FSTL4: variants seen among roughly 807,000 people sequenced by gnomAD.
FSTL4 encodes follistatin like 4.
A neutral mutation model predicts 78.2 loss-of-function variants in FSTL4; 28 were observed. The observed-to-expected ratio is 0.36, with a 90% confidence interval of 0.27 to 0.49. The LOEUF is 0.49. Among genes scored for constraint, FSTL4 ranks in the 20% least tolerant of loss-of-function variants. The pLI is 0.98. For synonymous variants in FSTL4, 422 were observed against 440.5 expected (o/e 0.96, Z 0.53); for missense variants, 922 against 1,084.9 (o/e 0.85, Z 2.11).
intron 3 of FSTL4, among the ~76,000 whole-genome samples, chr5:133,405,766 T>C (rs1462965093): frequency 1.3e-5 from 2 of 152,190 alleles, no homozygotes; most frequent in Non-Finnish European, 2.9e-5. Context: ...AAGTGCCTGG[T>C]ATGCAGCTGC....
At chr5:133,526,601 C>A (rs935011609) in intron 3 of FSTL4, among the ~76,000 whole-genome samples, 2 of 152,110 alleles carry the variant, frequency 1.3e-5, no homozygotes, top group African/African-American at 2.4e-5. Context: ...TAGCTTATCA[C>A]ACACACTCCA....
intron 3 of FSTL4, among the ~76,000 whole-genome samples, chr5:133,476,795 C>T (rs1438658859): frequency 6.6e-6 from 1 of 152,166 alleles, no homozygotes; most frequent in East Asian, 1.9e-4. Context: ...GTAGAGTGGA[C>T]CTCACTGACC....
intron 4 of FSTL4, among the ~76,000 whole-genome samples, chr5:133,344,140 A>T (rs1028142751): frequency 2.6e-5 from 4 of 152,234 alleles, no homozygotes; most frequent in African/African-American, 9.6e-5. Flanking sequence ...ACACCTTCAG[A>T]TATTTAATAT....
Position 133,491,118 on chromosome 5 carries a change from GA to G in FSTL4, c.160+76067del, listed in dbSNP as rs1196203825. Among the ~76,000 whole-genome samples the G allele has an allele frequency of 9.3e-5, 14 of 150,918 alleles. 1 individual carries two copies. The highest frequency in any genetic ancestry group is 2.0e-4 in the Admixed American group (3 of 15,162). On this transcript the variant is annotated intron_variant, in intron 3 of 15. Coordinates refer to ENST00000265342, the MANE Select transcript of FSTL4 (RefSeq NM_015082.2). ...CTGAACCTAAAATAAAAATTGGAAA[GA>G]AAAAAAAATTGTTTTTAATAAATTT...
At chr5:133,739,988 G>C in the FSTL4 span, among the ~76,000 whole-genome samples, 19 of 151,628 alleles carry the variant, frequency 1.3e-4, no homozygotes, top group Non-Finnish European at 2.4e-4. Flanking sequence ...AATCTCCCAG[G>C]CTCAAGCAAT....
At chr5:133,751,917 A>G in the FSTL4 span, among the ~76,000 whole-genome samples, 3 of 152,096 alleles carry the variant, frequency 2.0e-5, no homozygotes, top group African/African-American at 7.2e-5. Flanking sequence ...TTGCTAATGG[A>G]TCAGACAAAG....
chr5:133,758,805 G>T, the FSTL4 span, among the ~76,000 whole-genome samples: 4 of 152,172 alleles, frequency 2.6e-5, no homozygotes, highest in East Asian at 3.8e-4. Flanking sequence ...CTTCCATAAG[G>T]TTACAGTTAA....
At chr5:133,771,836 G>T in the FSTL4 span, among the ~76,000 whole-genome samples, 2 of 152,176 alleles carry the variant, frequency 1.3e-5, no homozygotes, top group Admixed American at 1.3e-4. Flanking sequence ...GTGAAGATCA[G>T]ATGAACCTGC....
intron 14 of FSTL4, among the ~76,000 whole-genome samples, chr5:133,205,454 T>A (rs1750468168): frequency 6.6e-6 from 1 of 152,036 alleles, no homozygotes; most frequent in African/African-American, 2.4e-5. Context: ...ACTCCCTTTT[T>A]AAAATAAATT....
At chr5:133,805,182 G>A in the FSTL4 span, among the ~76,000 whole-genome samples, 1 of 151,838 alleles carries the variant, frequency 6.6e-6, no homozygotes, top group African/African-American at 2.4e-5. Flanking sequence ...TCCCCATTGA[G>A]CTTGAGAGCC....
intron 3 of FSTL4, among the ~76,000 whole-genome samples, chr5:133,517,108 T>C (rs1758867933): frequency 6.6e-6 from 1 of 150,880 alleles, no homozygotes; most frequent in South Asian, 2.1e-4. Flanking sequence ...TAGCAAACAT[T>C]GAACTCTCAA....
chr5:133,332,395 G>A (rs1754369927), intron 4 of FSTL4, among the ~76,000 whole-genome samples: 1 of 152,222 alleles, frequency 6.6e-6, no homozygotes, highest in Non-Finnish European at 1.5e-5. Context: ...GGATTCAGAT[G>A]CTTTGAGAGG....
At position 133,361,229 on chromosome 5, in the gene FSTL4, T is replaced by C. The variant is rs374105126; in HGVS notation, c.409+39509A>G. Among the ~76,000 whole-genome samples the C allele has an allele frequency of 4.5e-4, 69 of 152,346 alleles. No homozygotes were observed. The highest frequency in any genetic ancestry group is 1.3e-3 in the African/African-American group (56 of 41,572). ...CGCATTCCGACCCTGCAGTGCTGGC[T>C]TCTTTCCAGAGCTTTCTAATGACTT... On this transcript the variant is annotated intron_variant, in intron 4 of 15. Coordinates refer to ENST00000265342, the MANE Select transcript of FSTL4 (RefSeq NM_015082.2). The surrounding 1 kb of genome is among the most constrained non-coding windows in gnomAD (Gnocchi z 4.3).
At chr5:133,722,781 G>A in the FSTL4 span, among the ~76,000 whole-genome samples, 91 of 152,268 alleles carry the variant, frequency 6.0e-4, no homozygotes, top group Admixed American at 1.4e-3. Flanking sequence ...GATGGGCCTG[G>A]GGCTTTTGGT....
intron 4 of FSTL4, among the ~76,000 whole-genome samples, chr5:133,346,033 A>T (rs1473592194): frequency 1.3e-5 from 2 of 152,252 alleles, no homozygotes; most frequent in African/African-American, 4.8e-5. Context: ...GAAATGTGGC[A>T]CATACACAAC....
the FSTL4 span, among the ~76,000 whole-genome samples, chr5:133,807,024 G>A: frequency 6.6e-6 from 1 of 151,776 alleles, no homozygotes; most frequent in African/African-American, 2.4e-5. Flanking sequence ...CACATGCTAT[G>A]AATATGCATA....
chr5:133,289,286 C>G (rs989919613), intron 6 of FSTL4, among the ~76,000 whole-genome samples: 1 of 152,236 alleles, frequency 6.6e-6, no homozygotes, highest in Non-Finnish European at 1.5e-5. Flanking sequence ...AATCCTTCTT[C>G]TGAGCCTTTC....
intron 3 of FSTL4, among the ~76,000 whole-genome samples, chr5:133,443,908 C>A (rs1757210866): frequency 6.6e-6 from 1 of 152,204 alleles, no homozygotes; most frequent in Admixed American, 6.5e-5. Flanking sequence ...TTGCTTAAGA[C>A]CGTGGTGTGC....
chr5:133,217,983 C>A (rs1750971838), intron 12 of FSTL4, among the ~76,000 whole-genome samples: 1 of 152,192 alleles, frequency 6.6e-6, no homozygotes, highest in Non-Finnish European at 1.5e-5. Context: ...TCATTGAAAC[C>A]TATGGCTTTA....
Sources: allele counts gnomAD v4.1 joint callset (sites outside exome capture counted in the v4.1 genomes callset), GRCh38; gene constraint gnomAD v4.1.1; non-coding constraint Gnocchi (gnomAD v3.1); transcripts MANE v1.5; gene names NCBI Gene and HGNC (gene_info 2026-07-23, HGNC 2026-07-21).